The following HCN1 variants were observed in gnomAD, a reference collection of about 807,000 sequenced individuals.
HCN1 encodes hyperpolarization activated cyclic nucleotide gated potassium channel 1.
A neutral mutation model predicts 78.9 loss-of-function variants in HCN1; 13 were observed. The ratio of observed to expected loss-of-function variants is 0.16; its 90% CI spans 0.11 to 0.26. HCN1 has a LOEUF of 0.26. Ranked by LOEUF, HCN1 falls within the 10% of genes least tolerant of loss-of-function variation. The pLI is 1.00. For missense variants in HCN1, 810 were observed against 1,154.3 expected, an observed-to-expected ratio of 0.70 and a Z score of 4.32; for synonymous variants, 552 against 455.5, an observed-to-expected ratio of 1.21 and a Z score of -2.70.
intron 5 of HCN1, among the ~76,000 whole-genome samples, chr5:45,311,165 T>TA (rs1228625199): frequency 3.9e-5 from 6 of 152,178 alleles, no homozygotes; most frequent in Non-Finnish European, 7.4e-5. Flanking sequence ...CCCTTGAACT[T>TA]AAAATGAAAG....
At chr5:45,323,386 A>G (rs935107911) in intron 5 of HCN1, among the ~76,000 whole-genome samples, 1 of 151,884 alleles carries the variant, frequency 6.6e-6, no homozygotes, top group Non-Finnish European at 1.5e-5. Flanking sequence ...AATTTAAATT[A>G]TATAATTCCT....
intron 5 of HCN1, among the ~76,000 whole-genome samples, chr5:45,337,785 AGCTTC>A (rs1746494485): frequency 6.6e-6 from 1 of 152,148 alleles, no homozygotes; most frequent in Non-Finnish European, 1.5e-5. Context: ...AATTTGGATG[AGCTTC>A]TCAGGGAAGG....
At position 45,542,954 on chromosome 5, in the gene HCN1, C is replaced by T. The variant is rs374221130; in HGVS notation, c.850-80947G>A. Among the ~76,000 whole-genome samples, 58 of 152,146 alleles carry T rather than the reference C, an allele frequency of 3.8e-4. No individual in the cohort carries two copies. The East Asian group carries it at 7.0e-3, about 18-fold the overall frequency. On this transcript the variant is annotated intron_variant, in intron 2 of 7. Coordinates refer to ENST00000303230, the MANE Select transcript of HCN1 (RefSeq NM_021072.4). ...AATAGAAAGATACAGAGGTATGCAA[C>T]CTTATGCCTTTGTGTTATAATTCTA...
chr5:45,402,985 T>G (rs1033333848), intron 3 of HCN1, among the ~76,000 whole-genome samples: 2 of 149,778 alleles, frequency 1.3e-5, no homozygotes, highest in African/African-American at 2.4e-5. Context: ...TAACCTCAAA[T>G]TCCTGGGCTC....
chr5:45,652,439 A>G lies in HCN1; in HGVS notation c.426-6831T>C, dbSNP rs552292431. On this transcript the variant is annotated intron_variant, in intron 1 of 7. Coordinates refer to ENST00000303230, the MANE Select transcript of HCN1 (RefSeq NM_021072.4). ...TCCTCTTCTACCATTAACAATGTGG[A>G]CATTACACATGACTCAATTCTACCC... Among the ~76,000 whole-genome samples, 4 of 152,020 alleles carry G rather than the reference A, an allele frequency of 2.6e-5. No individual in the cohort carries two copies. The South Asian group carries it at 8.3e-4, about 32-fold the overall frequency.
intron 3 of HCN1, among the ~76,000 whole-genome samples, chr5:45,421,862 G>A (rs76905871): frequency 0.012 from 1,870 of 152,244 alleles, 17 homozygotes; most frequent in Non-Finnish European, 0.02. Flanking sequence ...CTTGGTGCTT[G>A]CACACATAGA....
chr5:45,535,790 A>G (rs1279741758), intron 2 of HCN1, among the ~76,000 whole-genome samples: 2 of 152,182 alleles, frequency 1.3e-5, no homozygotes, highest in Non-Finnish European at 2.9e-5. Context: ...GAAAATATAC[A>G]TACAGATTAT....
At chr5:45,287,059 A>T (rs1190556749) in intron 6 of HCN1, among the ~76,000 whole-genome samples, 1 of 151,700 alleles carries the variant, frequency 6.6e-6, no homozygotes, top group Non-Finnish European at 1.5e-5. Context: ...CATATTATTT[A>T]GCAATAGGCT....
intron 3 of HCN1, among the ~76,000 whole-genome samples, chr5:45,411,894 C>T (rs1359146105): frequency 6.6e-6 from 1 of 151,978 alleles, no homozygotes; most frequent in African/African-American, 2.4e-5. Flanking sequence ...GGGAGCACAC[C>T]ACTTAGTGCA....
At chr5:45,438,591 A>T (rs570728148) in intron 3 of HCN1, among the ~76,000 whole-genome samples, 20 of 149,980 alleles carry the variant, frequency 1.3e-4, no homozygotes, top group African/African-American at 4.6e-4. Context: ...CTCCGTCTCA[A>T]AAAAAAAAAA....
chr5:45,261,019 C>T lies in HCN1; in HGVS notation c.*902G>A, dbSNP rs947893130. On this transcript the variant is annotated 3_prime_UTR_variant, in exon 8 of 8. Coordinates refer to ENST00000303230, the MANE Select transcript of HCN1 (RefSeq NM_021072.4). ...TTCGAGCATACAATTTTGCATAAAA[C>T]ATTGCAGGTTAAAATAATATTGTAG... is the stretch of plus-strand genomic sequence containing the variant. 3 of 152,624 alleles carry T rather than the reference C, an allele frequency of 2.0e-5. No individual in the cohort carries two copies. The highest frequency in any genetic ancestry group is 4.4e-5 in the Non-Finnish European group (3 of 67,994). The allele number at this position is 152,624 out of a possible 1,614,324, so 9.5% of individuals were successfully genotyped here.
intron 2 of HCN1, among the ~76,000 whole-genome samples, chr5:45,609,569 CA>C (rs895796765): frequency 3.9e-5 from 6 of 151,922 alleles, no homozygotes; most frequent in African/African-American, 1.4e-4. Context: ...TAATTTTGAC[CA>C]TAAAACCTTA....
intron 2 of HCN1, among the ~76,000 whole-genome samples, chr5:45,469,795 G>GTA (rs1741351855): frequency 6.6e-6 from 1 of 151,782 alleles, no homozygotes; most frequent in Non-Finnish European, 1.5e-5. Context: ...GTGTGTGTGT[G>GTA]TGTGTGTGTG....
At position 45,293,732 on chromosome 5, in the gene HCN1, T is replaced by C. The variant is rs529086128; in HGVS notation, c.1618+9867A>G. Among the ~76,000 whole-genome samples the C allele has an allele frequency of 4.6e-5, 7 of 152,158 alleles. No homozygotes were observed. In the South Asian group the frequency reaches 1.4e-3, roughly 32 times the overall value. On this transcript the variant is annotated intron_variant, in intron 6 of 7. Coordinates refer to ENST00000303230, the MANE Select transcript of HCN1 (RefSeq NM_021072.4). ...CAGATATTTGGCATTGATTCATTTATAAATGACTTTATAAAGACACAGAAC... is the reference window on the plus strand; with the variant it reads ...CAGATATTTGGCATTGATTCATTTACAAATGACTTTATAAAGACACAGAAC...
At chr5:45,395,922 G>T (rs897569271) in intron 4 of HCN1, among the ~76,000 whole-genome samples, 2 of 152,084 alleles carry the variant, frequency 1.3e-5, no homozygotes, top group African/African-American at 2.4e-5. Flanking sequence ...GTTTAGAGCA[G>T]CAATCATTTT....
chr5:45,364,976 C>G (rs1747203687), intron 4 of HCN1, among the ~76,000 whole-genome samples: 1 of 151,958 alleles, frequency 6.6e-6, no homozygotes, highest in Admixed American at 6.6e-5. Flanking sequence ...ATTATAATTT[C>G]TACTGAAATT....
chr5:45,655,625 A>C (rs976229038), intron 1 of HCN1, among the ~76,000 whole-genome samples: 1 of 152,170 alleles, frequency 6.6e-6, no homozygotes, highest in African/African-American at 2.4e-5. Context: ...ATAGGCTATG[A>C]TGCTATAGGT....
intron 6 of HCN1, among the ~76,000 whole-genome samples, chr5:45,277,884 T>A (rs976894098): frequency 6.6e-6 from 1 of 152,128 alleles, no homozygotes; most frequent in African/African-American, 2.4e-5. Flanking sequence ...GCTAGAATAA[T>A]CAGAGTGCAT....
Position 45,645,595 on chromosome 5 carries a change from A to G in HCN1, c.439T>C (p.Leu147=). The change falls in exon 2 of 8, where the codon TTA becomes CTA. Residue 147 remains leucine, a synonymous_variant. Coordinates refer to ENST00000303230, the MANE Select transcript of HCN1 (RefSeq NM_021072.4). ...CCAACCATCATTATAAGCATTATTA[A>G]ATCCCAGTAAAACCTACAACAAATA... The part of the protein sequence containing the change: ...PYSDFRFYWD[L]IMLIMMVGNL... The G allele has an allele frequency of 6.2e-7, 1 of 1,601,098 alleles. No homozygotes were observed. The highest frequency in any genetic ancestry group is 1.1e-5 in the South Asian group (1 of 90,714).
Sources: allele counts gnomAD v4.1 joint callset (sites outside exome capture counted in the v4.1 genomes callset), GRCh38; gene constraint gnomAD v4.1.1; transcripts MANE v1.5; gene names NCBI Gene and HGNC (gene_info 2026-07-23, HGNC 2026-07-21).